The following JMY variants were observed in gnomAD, a reference collection of about 807,000 sequenced individuals.
The protein encoded by JMY is junction mediating and regulatory protein, p53 cofactor.
JMY carries 46 observed loss-of-function variants against 103.3 expected under a neutral mutation model. That is an observed-to-expected ratio of 0.45 (90% confidence interval 0.35 to 0.57). The LOEUF (loss-of-function observed/expected upper bound fraction) is 0.57. Among genes scored for constraint, JMY ranks in the 20% least tolerant of loss-of-function variants. The probability of loss-of-function intolerance (pLI) is 0.00; values close to 1 mark genes in which losing one functional copy is unlikely to be tolerated. For missense variants in JMY, 1,238 were observed against 1,255.2 expected, an observed-to-expected ratio of 0.99 and a Z score of 0.21; for synonymous variants, 526 against 489.3, an observed-to-expected ratio of 1.07 and a Z score of -0.99.
At chr5:79,246,250 A>G (rs1003128996) in intron 1 of JMY, among the ~76,000 whole-genome samples, 4 of 152,154 alleles carry the variant, frequency 2.6e-5, no homozygotes, top group African/African-American at 4.8e-5. Context: ...CTCTAGGCCT[A>G]TCTTTCTCCT....
chr5:79,306,227 T>G, intron 6 of JMY, 148 bp from the exon 7 acceptor site: 4 of 606,182 alleles, frequency 6.6e-6, no homozygotes, highest in Non-Finnish European at 1.2e-5. Flanking sequence ...CTTTTACAGC[T>G]TCAGTTGTCC....
rs1746407567 is a variant in JMY, at chr5:79,291,134, G to C, written c.1362G>C (p.Val454=). 6.3e-7 allele frequency: 1 copy of C among 1,591,414 alleles called. No homozygotes were observed. The change falls in exon 4 of 11, where the codon GTG becomes GTC. Residue 454 remains valine, a synonymous_variant. Coordinates refer to ENST00000396137, the MANE Select transcript of JMY (RefSeq NM_152405.5). The stretch of plus-strand genomic sequence containing the variant: ...TCTTTAAAAAATTATTAATAGCTGT[G>C]TATGATCGAATGCGAGCTGATCAGA... ...FEITAKAQKA[V]YDRMRADQKK...
At chr5:79,285,755 A>G (rs1293105028) in intron 2 of JMY, among the ~76,000 whole-genome samples, 1 of 152,146 alleles carries the variant, frequency 6.6e-6, no homozygotes, top group Non-Finnish European at 1.5e-5. Flanking sequence ...ACATTAGTAT[A>G]TTCACAGTTT....
Position 79,291,286 on chromosome 5 carries a change from C to A in JMY, c.1514C>A (p.Ala505Glu). 6.4e-7 allele frequency: 1 copy of A among 1,563,092 alleles called. No individual in the cohort carries two copies. The highest frequency in any genetic ancestry group is 8.6e-7 in the Non-Finnish European group (1 of 1,158,152). ...ATATGCTTGGAACAGCGGAAACATGCACTAAAGGAAGAGGTAACAAAAATC... is the reference window on the plus strand; with the variant it reads ...ATATGCTTGGAACAGCGGAAACATGAACTAAAGGAAGAGGTAACAAAAATC... ...KEICLEQRKH[A>E]LKEEMQSLRG... The change falls in exon 4 of 11, where the codon GCA becomes GAA. Residue 505 changes from alanine (A) to glutamate (E), a missense_variant. By Grantham distance (107) the Ala-to-Glu change is moderately radical (BLOSUM62 -1). Coordinates refer to ENST00000396137, the MANE Select transcript of JMY (RefSeq NM_152405.5).
At position 79,327,185 on chromosome 5, in the gene JMY, T is replaced by TTAA. The variant is rs1404995873; in HGVS notation, c.*5587_*5589dup. 1 of 132,284 alleles carries TTAA rather than the reference T, an allele frequency of 7.6e-6. No homozygotes were observed. Among genetic ancestry groups the TTAA allele is most frequent in the African/African-American group, 3.3e-5 (1 of 30,758 alleles). 8.2% of individuals were successfully genotyped at this position (132,284 alleles called of 1,614,324 possible). On this transcript the variant is annotated 3_prime_UTR_variant, in exon 11 of 11. Transcript: ENST00000396137. ...CTTTTAACAATATTCCTCTTTTTCT[T>TTAA]TAATAAAGGATATTTATTTGAATTA...
chr5:79,264,039 A>G (rs1745505968), intron 1 of JMY, among the ~76,000 whole-genome samples: 1 of 151,880 alleles, frequency 6.6e-6, no homozygotes, highest in Admixed American at 6.6e-5. Flanking sequence ...TGCCTGCCTC[A>G]GCCTCCCAAA....
rs1203466916 is a variant in JMY at position 79,276,271 on chromosome 5, A to T, written c.1033-1639A>T. Among the ~76,000 whole-genome samples, 61 of 151,664 alleles carry T rather than the reference A, an allele frequency of 4.0e-4. 1 individual carries two copies. The highest frequency in any genetic ancestry group is 4.0e-3 in the Admixed American group (61 of 15,196). ...GGAGCTGGGATTATGGGTGTGTGCCACCACGCCTGGCTGATTTTTGTAATT... is the reference window on the plus strand; with the variant it reads ...GGAGCTGGGATTATGGGTGTGTGCCTCCACGCCTGGCTGATTTTTGTAATT... On this transcript the variant is annotated intron_variant, in intron 1 of 10. Transcript: ENST00000396137.
chr5:79,315,375 G>C (rs1446430123), intron 9 of JMY, among the ~76,000 whole-genome samples: 1 of 151,542 alleles, frequency 6.6e-6, no homozygotes, highest in Non-Finnish European at 1.5e-5. Context: ...AATTTTTTTT[G>C]TTAAGAGAGA....
chr5:79,281,355 T>A (rs1746106413), intron 2 of JMY, among the ~76,000 whole-genome samples: 1 of 9,692 alleles, frequency 1.0e-4, no homozygotes, highest in Non-Finnish European at 5.6e-4. Flanking sequence ...AGAAATTAAT[T>A]TTTTTTTTTT....
chr5:79,286,840 GA>G (rs1451219608), intron 2 of JMY, among the ~76,000 whole-genome samples: 1 of 152,120 alleles, frequency 6.6e-6, no homozygotes. Flanking sequence ...CTAATATAAA[GA>G]ATTTGTTAAT....
chr5:79,295,364 A>C (rs1746536818), intron 4 of JMY, among the ~76,000 whole-genome samples: 1 of 152,092 alleles, frequency 6.6e-6, no homozygotes, highest in Admixed American at 6.6e-5. Flanking sequence ...TGCAAACTTA[A>C]CTCTTTAGGA....
intron 1 of JMY, among the ~76,000 whole-genome samples, chr5:79,246,881 CAA>C (rs113796518): frequency 2.8e-5 from 4 of 141,544 alleles, no homozygotes; most frequent in African/African-American, 1.0e-4. Flanking sequence ...GACACCATCT[CAA>C]AAAAAAAAAA....
At chr5:79,294,375 A>G (rs1379554954) in intron 4 of JMY, among the ~76,000 whole-genome samples, 1 of 151,846 alleles carries the variant, frequency 6.6e-6, no homozygotes, top group East Asian at 1.9e-4. Flanking sequence ...CTGCACTCCA[A>G]CAGCTTGGGC....
At chr5:79,316,790 C>CAGCTACG (rs1345279572) in intron 10 of JMY, among the ~76,000 whole-genome samples, 1 of 150,704 alleles carries the variant, frequency 6.6e-6, no homozygotes, top group African/African-American at 2.4e-5. Context: ...TCTGTAATCC[C>CAGCTACG]AGCTACTCGA....
At chr5:79,276,640 C>T (rs1046879190) in intron 1 of JMY, among the ~76,000 whole-genome samples, 1 of 151,964 alleles carries the variant, frequency 6.6e-6, no homozygotes, top group Non-Finnish European at 1.5e-5. Flanking sequence ...ACGAGTCTCA[C>T]TCTGTCGCCA....
chr5:79,312,427 G>A lies in JMY; in HGVS notation c.1993G>A (p.Glu665Lys). ...QLKREKLHDE[E>K]ERKSAWVSQE... ...GAAGAGAGAAAAATTACATGATGAA[G>A]AAGAAAGAAAAAGTGCCTGGGTTAG... The change falls in exon 8 of 11, where the codon GAA (glutamate) becomes AAA (lysine). Residue 665 changes from glutamate (E) to lysine (K), a missense_variant. Coordinates refer to ENST00000396137, the MANE Select transcript of JMY (RefSeq NM_152405.5). 1 of 1,579,544 alleles carries A rather than the reference G, an allele frequency of 6.3e-7. No individual in the cohort carries two copies. The highest frequency in any genetic ancestry group is 8.6e-7 in the Non-Finnish European group (1 of 1,165,712).
At chr5:79,256,652 T>C (rs1331877749) in intron 1 of JMY, among the ~76,000 whole-genome samples, 8 of 152,172 alleles carry the variant, frequency 5.3e-5, no homozygotes, top group African/African-American at 1.9e-4. Context: ...GATTGTTCCT[T>C]TTTGGCCTCC....
rs1263086026 is a variant in JMY, at chr5:79,314,548, C to G, written c.2356C>G (p.Leu786Val). 6.2e-7 allele frequency: 1 copy of G among 1,614,164 alleles called. No individual in the cohort carries two copies. Among genetic ancestry groups the G allele is most frequent in the South Asian group, 1.1e-5 (1 of 91,074 alleles). The change falls in exon 9 of 11, where the codon CTT becomes GTT. Residue 786 changes from leucine to valine, a missense_variant. Transcript: ENST00000396137. Reference sequence around the variant, plus strand: ...CTCTGAACTGCCTCCCACTATATCTCTTCCACTTTTGAATAACAACCTCGA... The same window carrying G: ...CTCTGAACTGCCTCCCACTATATCTGTTCCACTTTTGAATAACAACCTCGA... ...VTSELPPTIS[L>V]PLLNNNLEPC...
At chr5:79,277,804 G>A in intron 1 of JMY, 106 bp from the exon 2 acceptor site, 1 of 899,606 alleles carries the variant, frequency 1.1e-6, no homozygotes, top group Non-Finnish European at 1.6e-6. Flanking sequence ...TCTTGCTTCT[G>A]TGTTTTAGGG....
Sources: allele counts gnomAD v4.1 joint callset (sites outside exome capture counted in the v4.1 genomes callset), GRCh38; gene constraint gnomAD v4.1.1; transcripts MANE v1.5; gene names NCBI Gene and HGNC (gene_info 2026-07-23, HGNC 2026-07-21).